ZNF704: variants seen among roughly 807,000 people sequenced by gnomAD.
The protein encoded by ZNF704 is zinc finger protein 704, also known as glucocorticoid induced gene 1.
ZNF704 carries 10 observed loss-of-function variants against 44.7 expected under a neutral mutation model. The ratio of observed to expected loss-of-function variants is 0.22; its 90% CI spans 0.14 to 0.38. The LOEUF (loss-of-function observed/expected upper bound fraction) is 0.38. Among genes scored for constraint, ZNF704 ranks in the 10% least tolerant of loss-of-function variants. The pLI, the probability that ZNF704 is intolerant of heterozygous loss-of-function variation, is 1.00. For missense variants in ZNF704, 390 were observed against 545.5 expected (o/e 0.71, Z 2.84); for synonymous variants, 211 against 207.6 (o/e 1.02, Z -0.14).
At chr8:80,853,932 A>G (rs1808915576) in intron 1 of ZNF704, among the ~76,000 whole-genome samples, 1 of 152,196 alleles carries the variant, frequency 6.6e-6, no homozygotes, top group Non-Finnish European at 1.5e-5. Flanking sequence ...AAGCAAGAAT[A>G]AGTCATAAAG....
chr8:80,653,154 T>C (rs1310312958), intron 7 of ZNF704, among the ~76,000 whole-genome samples: 1 of 152,208 alleles, frequency 6.6e-6, no homozygotes, highest in East Asian at 1.9e-4. Flanking sequence ...AATTAGGTAT[T>C]GATGGGACAT....
chr8:80,630,230 A>G lies in ZNF704; in HGVS notation c.*11136T>C, dbSNP rs903264159. 6.6e-6 allele frequency: 1 copy of G among 152,238 alleles called. No individual in the cohort carries two copies. The highest frequency in any genetic ancestry group is 2.4e-5 in the African/African-American group (1 of 41,462). 9.4% of individuals were successfully genotyped at this position (152,238 alleles called of 1,614,324 possible). ...TTCACTAACATTAAAGACTTCTGTT[A>G]AGCAAGTACTTACCTCTGAATGGTG... is the stretch of plus-strand genomic sequence containing the variant. On this transcript the variant is annotated 3_prime_UTR_variant, in exon 9 of 9. Coordinates refer to ENST00000327835, the MANE Select transcript of ZNF704 (RefSeq NM_001033723.3).
At chr8:80,872,978 G>A (rs150832577) in intron 1 of ZNF704, among the ~76,000 whole-genome samples, 2 of 152,240 alleles carry the variant, frequency 1.3e-5, no homozygotes, top group Non-Finnish European at 2.9e-5. Flanking sequence ...GAAACCAAGG[G>A]CTTGGATTTT....
chr8:80,830,697 T>C (rs184621235), intron 1 of ZNF704, among the ~76,000 whole-genome samples: 80 of 148,566 alleles, frequency 5.4e-4, no homozygotes, highest in Middle Eastern at 7.1e-3. Context: ...GAAACCAGAG[T>C]AACTAAGGAA....
intron 2 of ZNF704, among the ~76,000 whole-genome samples, chr8:80,769,538 A>T (rs547063417): frequency 6.6e-6 from 1 of 152,194 alleles, no homozygotes; most frequent in Non-Finnish European, 1.5e-5. Flanking sequence ...TCAAAGTTCC[A>T]GGAATCACTA....
At chr8:80,712,690 T>C (rs1458749521) in intron 2 of ZNF704, among the ~76,000 whole-genome samples, 1 of 151,946 alleles carries the variant, frequency 6.6e-6, no homozygotes, top group Admixed American at 6.6e-5. Context: ...GTTGGTGTGT[T>C]TTAATGTGGG....
chr8:80,805,793 T>C (rs1807979746), intron 2 of ZNF704, among the ~76,000 whole-genome samples: 1 of 152,180 alleles, frequency 6.6e-6, no homozygotes, highest in Non-Finnish European at 1.5e-5. Flanking sequence ...CATGAAAATA[T>C]GCCTGACTTT....
chr8:80,798,623 T>TACC (rs942649570), intron 2 of ZNF704, among the ~76,000 whole-genome samples: 14 of 152,140 alleles, frequency 9.2e-5, no homozygotes, highest in Non-Finnish European at 2.1e-4. Flanking sequence ...GATCCAAACT[T>TACC]ACCCTAGTCT....
chr8:80,800,347 T>TA (rs1807878574), intron 2 of ZNF704, among the ~76,000 whole-genome samples: 1 of 152,014 alleles, frequency 6.6e-6, no homozygotes, highest in Non-Finnish European at 1.5e-5. Flanking sequence ...ATGAGAAGAT[T>TA]AACCCCAAGA....
chr8:80,811,233 T>C lies in ZNF704; in HGVS notation c.221+10141A>G, dbSNP rs562255597. ...GCATGCAAAAAAAAAGAATGGAAAG[T>C]GTCTCATTAATGACTTTTTATATTG... On this transcript the variant is annotated intron_variant, in intron 2 of 8. Transcript: ENST00000327835. 9.9e-5 allele frequency among the ~76,000 whole-genome samples: 15 copies of C among 152,274 alleles called. 1 individual carries two copies. In the South Asian group the frequency reaches 2.1e-3, roughly 21 times the overall value.
chr8:80,706,955 T>A (rs1818908939), intron 2 of ZNF704, among the ~76,000 whole-genome samples: 1 of 152,158 alleles, frequency 6.6e-6, no homozygotes, highest in Admixed American at 6.5e-5. Context: ...AGTTCCAGAT[T>A]TAGTTTTAAA....
At chr8:80,830,953 A>G (rs1003465662) in intron 1 of ZNF704, among the ~76,000 whole-genome samples, 2 of 151,566 alleles carry the variant, frequency 1.3e-5, no homozygotes, top group African/African-American at 4.8e-5. Flanking sequence ...ACAAGGTTTC[A>G]CTGTGTTGGC....
intron 7 of ZNF704, among the ~76,000 whole-genome samples, chr8:80,648,719 C>A (rs1817869793): frequency 1.3e-5 from 2 of 152,126 alleles, no homozygotes; most frequent in African/African-American, 4.8e-5. Flanking sequence ...AAGTGTCTTC[C>A]ATATGTTATC....
chr8:80,706,351 G>GC (rs1036299391), intron 2 of ZNF704, among the ~76,000 whole-genome samples: 1 of 148,772 alleles, frequency 6.7e-6, no homozygotes, highest in Admixed American at 6.7e-5. Flanking sequence ...TTTTTCCCTA[G>GC]TTTTTTTTTT....
Position 80,637,963 on chromosome 8 carries a change from TGCTCCCAGAG to T in ZNF704, c.*3393_*3402del. 1 of 152,310 alleles carries T rather than the reference TGCTCCCAGAG, an allele frequency of 6.6e-6. No individual in the cohort carries two copies. Among genetic ancestry groups the T allele is most frequent in the Non-Finnish European group, 1.5e-5 (1 of 68,096 alleles). The allele number at this position is 152,310 out of a possible 1,614,324, so 9.4% of individuals were successfully genotyped here. A position where few individuals can be genotyped will look rare whatever the true frequency, so the allele number is the denominator to read the frequency against. On this transcript the variant is annotated 3_prime_UTR_variant, in exon 9 of 9. Coordinates refer to ENST00000327835, the MANE Select transcript of ZNF704 (RefSeq NM_001033723.3). ...TCATTCTCTCCTTGCTTCAGGCAGC[TGCTCCCAGAG>T]GAGAAAATGGCAGCTCCCTGGGAGG... is the stretch of plus-strand genomic sequence containing the variant.
At chr8:80,853,441 T>C (rs1027672854) in intron 1 of ZNF704, among the ~76,000 whole-genome samples, 3 of 152,164 alleles carry the variant, frequency 2.0e-5, no homozygotes, top group Non-Finnish European at 4.4e-5. Flanking sequence ...TTTCCAGGAC[T>C]TTAAAATGTT....
intron 7 of ZNF704, among the ~76,000 whole-genome samples, chr8:80,646,759 G>A (rs1014742875): frequency 5.3e-5 from 8 of 152,164 alleles, no homozygotes; most frequent in Non-Finnish European, 5.9e-5. Context: ...ACTAGAGGGA[G>A]TGAATACCTG....
chr8:80,832,445 A>G (rs1808486551), intron 1 of ZNF704, among the ~76,000 whole-genome samples: 1 of 152,172 alleles, frequency 6.6e-6, no homozygotes. Context: ...CCTACACTCA[A>G]GTACACTCTG....
chr8:80,835,232 G>A (rs1808539281), intron 1 of ZNF704, among the ~76,000 whole-genome samples: 2 of 152,124 alleles, frequency 1.3e-5, no homozygotes, highest in Admixed American at 1.3e-4. Flanking sequence ...TTTCTGTAAA[G>A]TCCAATACTA....
Sources: gnomAD v4.1 joint callset for allele counts (sites outside exome capture counted in the v4.1 genomes callset) on GRCh38, gnomAD v4.1.1 for gene constraint, MANE v1.5 for transcripts, NCBI Gene and HGNC (gene_info 2026-07-23, HGNC 2026-07-21) for gene names.